PCNT: variants seen among roughly 807,000 people sequenced by gnomAD.
PCNT encodes the protein kendrin.
Under a neutral mutation model 380.4 loss-of-function variants are expected in PCNT, and 319 were observed. The ratio of observed to expected loss-of-function variants is 0.84; its 90% confidence interval spans 0.77 to 0.92. The LOEUF (loss-of-function observed/expected upper bound fraction) is 0.92. PCNT is among the 40% of genes least tolerant of loss of function. PCNT has a pLI of 0.00. For synonymous variants in PCNT, 1,845 were observed against 1,735.2 expected, an observed-to-expected ratio of 1.06 and a Z score of -1.57; for missense variants, 4,400 against 4,255.3, an observed-to-expected ratio of 1.03 and a Z score of -0.95.
intron 43 of PCNT, 133 bp from the exon 44 acceptor site, chr21:46,442,364 C>G (rs952421804): frequency 7.1e-6 from 5 of 703,804 alleles, no homozygotes; most frequent in Non-Finnish European, 1.3e-5. Flanking sequence ...ACAGACTGGC[C>G]GACCTTGGCG....
chr21:46,388,765 G>T lies in PCNT; in HGVS notation c.3488G>T (p.Arg1163Leu). ...AGAGGGGCCCTCCAGGACGCCCTGC[G>T]CAGGCTGCTGGGTTTGTTTGGAGAG... ...SERGALQDAL[R>L]RLLGLFGETL... Residue 1163 changes from arginine (R) to leucine (L), a missense_variant, in exon 18 of 47, where the codon CGC becomes CTC. By Grantham distance (102) the Arg-to-Leu change is moderately radical. Coordinates refer to ENST00000359568, the MANE Select transcript of PCNT (RefSeq NM_006031.6). This position sits in a 1 kb window ranked among gnomAD's most constrained non-coding sequence, Gnocchi z 4.2. 1.9e-6 allele frequency: 3 copies of T among 1,613,876 alleles called. No individual in the cohort carries two copies. Among genetic ancestry groups the T allele is most frequent in the South Asian group, 2.2e-5 (2 of 91,082 alleles).
chr21:46,430,147 A>G lies in PCNT; in HGVS notation c.7828A>G (p.Lys2610Glu). 1 of 1,614,200 alleles carries G rather than the reference A, an allele frequency of 6.2e-7. No homozygotes were observed. Among genetic ancestry groups the G allele is most frequent in the Non-Finnish European group, 8.5e-7 (1 of 1,180,034 alleles). The part of the protein sequence containing the change: ...AAEQTVVRDL[K>E]SDLCESRQKS... ...GGAGCAGACTGTAGTGCGAGATTTGAAGTCCGACCTCTGTGAGAGCAGGCA... is the reference window on the plus strand; with the variant it reads ...GGAGCAGACTGTAGTGCGAGATTTGGAGTCCGACCTCTGTGAGAGCAGGCA... Residue 2610 changes from lysine (K) to glutamate (E), a missense_variant, in exon 36 of 47, where the codon AAG (lysine) becomes GAG (glutamate). Coordinates refer to ENST00000359568, the MANE Select transcript of PCNT (RefSeq NM_006031.6).
In PCNT at chr21:46,425,842, G is replaced by C; in HGVS notation, c.7191G>C (p.Gln2397His). The change falls in exon 33 of 47, where the codon CAG becomes CAC. Residue 2397 changes from glutamine (Q) to histidine (H), a missense_variant. By Grantham distance (24) the Gln-to-His change is conservative. Coordinates refer to ENST00000359568, the MANE Select transcript of PCNT (RefSeq NM_006031.6). This position sits in a 1 kb window ranked among gnomAD's most constrained non-coding sequence, Gnocchi z 4.2. Reference sequence around the variant, plus strand: ...CTTTCCCGCCACAGGCTTTACTGCAGATGGTGCGTGACGAGAGCCACCAGA... The same window carrying C: ...CTTTCCCGCCACAGGCTTTACTGCACATGGTGCGTGACGAGAGCCACCAGA... Reference protein sequence around the residue: ...VRPKHVKALLQMVRDESHQIL... With the variant: ...VRPKHVKALLHMVRDESHQIL... 6.2e-7 allele frequency: 1 copy of C among 1,613,716 alleles called. No homozygotes were observed. Among genetic ancestry groups the C allele is most frequent in the Non-Finnish European group, 8.5e-7 (1 of 1,180,028 alleles).
At chr21:46,413,931 C>T (rs768113852) in intron 29 of PCNT, among the ~76,000 whole-genome samples, 1 of 152,108 alleles carries the variant, frequency 6.6e-6, no homozygotes, top group Non-Finnish European at 1.5e-5. Context: ...GAAACACCTG[C>T]GCAGGAGCTG....
intron 44 of PCNT, chr21:46,442,832 T>C (rs1441592291): frequency 1.8e-6 from 1 of 542,404 alleles, no homozygotes; most frequent in African/African-American, 1.9e-5. Flanking sequence ...ATATTGATTA[T>C]TTAATAGTGT....
chr21:46,410,139 C>A (rs980683161), intron 27 of PCNT, among the ~76,000 whole-genome samples: 1 of 152,184 alleles, frequency 6.6e-6, no homozygotes, highest in African/African-American at 2.4e-5. Context: ...CAGTAAGGCA[C>A]GCGACGGGGA....
chr21:46,427,477 G>A (rs543293043), intron 33 of PCNT, 145 bp from the exon 34 acceptor site: 39 of 845,950 alleles, frequency 4.6e-5, no homozygotes, highest in Non-Finnish European at 7.1e-5. Flanking sequence ...GAGCTCTGGT[G>A]TCTCTTCCTC....
At chr21:46,353,517 G>A (rs1311367931) in intron 10 of PCNT, among the ~76,000 whole-genome samples, 191 bp downstream of exon 10, 2 of 152,022 alleles carry the variant, frequency 1.3e-5, no homozygotes, top group South Asian at 2.1e-4. Flanking sequence ...GTGTGTGTGC[G>A]AGCCATTGGT....
intron 2 of PCNT, among the ~76,000 whole-genome samples, chr21:46,330,613 C>T (rs764878021): frequency 2.8e-5 from 4 of 145,426 alleles, no homozygotes; most frequent in Non-Finnish European, 6.1e-5. Context: ...TGTACATCAT[C>T]AGTTCAGTCT....
At position 46,363,743 on chromosome 21, in the gene PCNT, G is replaced by A. The variant is rs760712630; in HGVS notation, c.2418G>A (p.Gln806=). Residue 806 remains glutamine, a synonymous_variant, in exon 14 of 47, where the codon CAG becomes CAA. Transcript: ENST00000359568. ...MRQLQDQQAA[Q]ILDLERSLTE... is the part of the protein sequence containing the mutation. Reference sequence around the variant, plus strand: ...AGCTTCAGGACCAACAGGCAGCCCAGATCCTGGATCTGGAGAGGTCCTTGA... The same window carrying A: ...AGCTTCAGGACCAACAGGCAGCCCAAATCCTGGATCTGGAGAGGTCCTTGA... The A allele has an allele frequency of 1.2e-6, 2 of 1,614,248 alleles. No individual in the cohort carries two copies. The highest frequency in any genetic ancestry group is 1.1e-5 in the South Asian group (1 of 91,090).
chr21:46,397,293 C>G lies in PCNT; in HGVS notation c.4245C>G (p.Thr1415=), dbSNP rs1274642092. The change falls in exon 22 of 47, where the codon ACC becomes ACG. Residue 1415 remains threonine, a synonymous_variant. Transcript: ENST00000359568. The part of the protein sequence containing the change: ...AALRKEVEDL[T]KEQSETRKQA... ...TCCGGAAGGAAGTGGAGGATCTGAC[C>G]AAAGAACAGTCGGAGACCAGGAAGC... 2 of 1,614,020 alleles carry G rather than the reference C, an allele frequency of 1.2e-6. No homozygotes were observed. Among genetic ancestry groups the G allele is most frequent in the East Asian group, 2.2e-5 (1 of 44,876 alleles).
chr21:46,356,485 A>T (rs1296748654), intron 12 of PCNT, among the ~76,000 whole-genome samples: 1 of 152,226 alleles, frequency 6.6e-6, no homozygotes, highest in African/African-American at 2.4e-5. Context: ...TCTTCTGCAG[A>T]AGAAGAGATG....
At chr21:46,372,487 G>T (rs1432439925) in intron 15 of PCNT, among the ~76,000 whole-genome samples, 1 of 152,182 alleles carries the variant, frequency 6.6e-6, no homozygotes, top group Admixed American at 6.5e-5. Context: ...CTGTGTTCTG[G>T]GTCTGTACGA....
rs1241353165 is a variant in PCNT, at chr21:46,357,184, T to C, written c.2147T>C (p.Leu716Ser). The C allele has an allele frequency of 6.2e-7, 1 of 1,609,448 alleles. No homozygotes were observed. Among genetic ancestry groups the C allele is most frequent in the Admixed American group, 1.7e-5 (1 of 60,022 alleles). Residue 716 changes from leucine (L) to serine (S), a missense_variant, in exon 13 of 47, where the codon TTG (leucine) becomes TCG (serine). Coordinates refer to ENST00000359568, the MANE Select transcript of PCNT (RefSeq NM_006031.6). ...LQHETRLKDD[L>S]EKVKHNLIED... ...CATGAAACTCGTCTGAAGGACGATT[T>C]GGAGAAGGTGAGTCGTGACTCCACA...
intron 15 of PCNT, among the ~76,000 whole-genome samples, chr21:46,381,218 GTGTGTGTGTGTGTGTGTGT>G (rs2085527909): frequency 7.1e-6 from 1 of 140,554 alleles, no homozygotes; most frequent in Non-Finnish European, 1.5e-5. Flanking sequence ...GTGTGTGTGT[GTGTGTGTGTGTGTGTGTGT>G]GTGTGTGTAT....
Position 46,442,478 on chromosome 21 carries a change from T to G in PCNT, c.9624-19T>G, listed in dbSNP as rs766505721. ...GTCTTGCCGTACTTTTAAGTGTGTC[T>G]TGTCTCTTTTTTTTGTAGATTACGT... On this transcript the variant is annotated intron_variant, in intron 43 of 46. Transcript: ENST00000359568. 11 of 1,528,232 alleles carry G rather than the reference T, an allele frequency of 7.2e-6. 1 individual carries two copies. The South Asian group carries it at 1.1e-4, about 16-fold the overall frequency. The allele number at this position is 1,528,232 out of a possible 1,614,324, so 94.7% of individuals were successfully genotyped here.
intron 27 of PCNT, among the ~76,000 whole-genome samples, chr21:46,407,966 TTA>T (rs2086668774): frequency 6.6e-6 from 1 of 152,244 alleles, no homozygotes. Flanking sequence ...AGGTCATTGA[TTA>T]TAGATACTTA....
chr21:46,444,076 C>CGTGA, intron 45 of PCNT, 128 bp downstream of exon 45: 9 of 974,300 alleles, frequency 9.2e-6, no homozygotes, highest in Non-Finnish European at 1.3e-5. Context: ...AACTCTCCAG[C>CGTGA]GTGAGTCCGT....
chr21:46,357,470 C>G lies in PCNT; in HGVS notation c.2154+279C>G, dbSNP rs146889162. Among the ~76,000 whole-genome samples the G allele has an allele frequency of 2.0e-5, 3 of 152,328 alleles. No individual in the cohort carries two copies. The East Asian group carries it at 5.8e-4, about 29-fold the overall frequency. ...TTGTTTTGTTTTGTTTTGAGACAGTCTCATTCTGTTGCCCAGGCTGGAGTG... is the reference window on the plus strand; with the variant it reads ...TTGTTTTGTTTTGTTTTGAGACAGTGTCATTCTGTTGCCCAGGCTGGAGTG... On this transcript the variant is annotated intron_variant, in intron 13 of 46. Transcript: ENST00000359568.
Sources: gnomAD v4.1 joint callset for allele counts (sites outside exome capture counted in the v4.1 genomes callset) on GRCh38, gnomAD v4.1.1 for gene constraint, Gnocchi (gnomAD v3.1) non-coding constraint, MANE v1.5 for transcripts, NCBI Gene and HGNC (gene_info 2026-07-23, HGNC 2026-07-21) for gene names.